EFCAB13: variants seen among roughly 807,000 people sequenced by gnomAD.
EFCAB13 encodes EF-hand calcium binding domain 13.
EFCAB13 carries 91 observed loss-of-function variants against 110.2 expected under a neutral mutation model. The observed-to-expected ratio is 0.83, with a 90% CI of 0.70 to 0.98. EFCAB13 has a LOEUF of 0.98. Among genes scored for constraint, EFCAB13 ranks in the 50% least tolerant of loss-of-function variants. The probability of loss-of-function intolerance (pLI) is 0.00; values close to 1 mark genes in which losing one functional copy is unlikely to be tolerated. For synonymous variants in EFCAB13, 323 were observed against 369.9 expected, an observed-to-expected ratio of 0.87 and a Z score of 1.45; for missense variants, 968 against 1,119.4, an observed-to-expected ratio of 0.86 and a Z score of 1.93.
intron 16 of EFCAB13, among the ~76,000 whole-genome samples, chr17:47,395,502 C>G (rs1258822253): frequency 2.0e-5 from 3 of 152,074 alleles, no homozygotes; most frequent in Non-Finnish European, 4.4e-5. Context: ...AGATATAGAA[C>G]AAAAGCTACT....
intron 9 of EFCAB13, among the ~76,000 whole-genome samples, chr17:47,348,718 C>T (rs1598726889): frequency 6.6e-6 from 1 of 151,624 alleles, no homozygotes; most frequent in Admixed American, 6.5e-5. Context: ...AATATCTTTT[C>T]ATGTGCTTGT....
At chr17:47,434,257 C>G (rs1158897816) in intron 24 of EFCAB13, among the ~76,000 whole-genome samples, 1 of 151,958 alleles carries the variant, frequency 6.6e-6, no homozygotes, top group African/African-American at 2.4e-5. Context: ...CTGCTATACA[C>G]CAACAATGAC....
chr17:47,353,446 C>T (rs1320206330), intron 9 of EFCAB13, among the ~76,000 whole-genome samples: 1 of 151,990 alleles, frequency 6.6e-6, no homozygotes, highest in Non-Finnish European at 1.5e-5. Flanking sequence ...AGGCATGCAC[C>T]ACCATGCCTG....
chr17:47,436,452 G>A (rs549599249), intron 24 of EFCAB13, among the ~76,000 whole-genome samples: 12 of 152,196 alleles, frequency 7.9e-5, no homozygotes, highest in Non-Finnish European at 1.8e-4. Flanking sequence ...CTTGCTGCTT[G>A]TTATTGGTCT....
At chr17:47,325,706 CA>C (rs1176547861) in intron 2 of EFCAB13, among the ~76,000 whole-genome samples, 3 of 151,768 alleles carry the variant, frequency 2.0e-5, no homozygotes, top group Non-Finnish European at 4.4e-5. Flanking sequence ...GGTCTGTACT[CA>C]AAAGTCTCCC....
chr17:47,327,004 T>C (rs2065289642), intron 3 of EFCAB13, among the ~76,000 whole-genome samples: 1 of 152,220 alleles, frequency 6.6e-6, no homozygotes, highest in Non-Finnish European at 1.5e-5. Context: ...TAATGTAATA[T>C]AGCTAGCACT....
chr17:47,342,088 A>C, intron 6 of EFCAB13, 56 bp downstream of exon 6: 1 of 1,000,476 alleles, frequency 1.0e-6, no homozygotes, highest in South Asian at 1.6e-5. Context: ...CTTAGCCCTC[A>C]AACATTCCCT....
chr17:47,393,033 C>T (rs2065716458), intron 15 of EFCAB13, among the ~76,000 whole-genome samples: 1 of 151,996 alleles, frequency 6.6e-6, no homozygotes, highest in Non-Finnish European at 1.5e-5. Context: ...TGCTAATAAT[C>T]ACATGAAAAG....
At chr17:47,432,267 G>A (rs538747514) in intron 24 of EFCAB13, among the ~76,000 whole-genome samples, 16 of 152,030 alleles carry the variant, frequency 1.1e-4, no homozygotes, top group Middle Eastern at 3.4e-3. Context: ...GCGTGGTGGC[G>A]GGCGCCTGTA....
intron 24 of EFCAB13, among the ~76,000 whole-genome samples, chr17:47,439,426 C>G (rs1292913955): frequency 6.6e-6 from 1 of 152,050 alleles, no homozygotes; most frequent in African/African-American, 2.4e-5. Context: ...ATCTGCCCAT[C>G]TCAGCCTCCC....
Position 47,440,749 on chromosome 17 carries a change from A to T in EFCAB13, c.*35A>T. The T allele has an allele frequency of 6.8e-7, 1 of 1,460,452 alleles. No individual in the cohort carries two copies. The highest frequency in any genetic ancestry group is 2.3e-5 in the East Asian group (1 of 43,148). 90.5% of individuals were successfully genotyped at this position (1,460,452 alleles called of 1,614,324 possible). On this transcript the variant is annotated 3_prime_UTR_variant, in exon 25 of 25. Transcript: ENST00000331493. ...CTTGATAGTGCTAGAAAATTACTAG[A>T]TTATATATTATTCAGTATGCATATT...
chr17:47,371,070 T>G (rs555696453), intron 11 of EFCAB13, among the ~76,000 whole-genome samples: 1 of 150,856 alleles, frequency 6.6e-6, no homozygotes, highest in African/African-American at 2.4e-5. Flanking sequence ...TTGTTTTTTT[T>G]TTTTTTTTTT....
At chr17:47,339,903 G>A (rs2065374171) in intron 5 of EFCAB13, 1 of 152,088 alleles carries the variant, frequency 6.6e-6, no homozygotes, top group African/African-American at 2.4e-5. Context: ...GAAATGTAAA[G>A]TAAGCCTGGA....
rs1442456873 is a variant in EFCAB13, at chr17:47,324,004, G to C, written c.-388G>C. On this transcript the variant is annotated 5_prime_UTR_variant, in exon 1 of 25. Transcript: ENST00000331493. ...GCAGAGCTAGAGCAGCGCCGCCCGAGGGGCGGCAGGGGCTGACCACAGAGA... is the reference window on the plus strand; with the variant it reads ...GCAGAGCTAGAGCAGCGCCGCCCGACGGGCGGCAGGGGCTGACCACAGAGA... 6.6e-6 allele frequency: 1 copy of C among 152,444 alleles called. No homozygotes were observed. The highest frequency in any genetic ancestry group is 1.5e-5 in the Non-Finnish European group (1 of 68,274). 9.4% of individuals were successfully genotyped at this position (152,444 alleles called of 1,614,324 possible). A position where few individuals can be genotyped will look rare whatever the true frequency, so the allele number is the denominator to read the frequency against.
chr17:47,375,745 A>G (rs537484966), intron 12 of EFCAB13, among the ~76,000 whole-genome samples: 1 of 152,308 alleles, frequency 6.6e-6, no homozygotes, highest in Non-Finnish European at 1.5e-5. Context: ...TAGAAAGTAG[A>G]AGGCCTGGTT....
At chr17:47,345,175 C>A in intron 8 of EFCAB13, 77 bp downstream of exon 8, 1 of 992,006 alleles carries the variant, frequency 1.0e-6, no homozygotes, top group Non-Finnish European at 1.5e-6. Flanking sequence ...GCAGTTAGTG[C>A]CTCTTCATCT....
chr17:47,437,753 GAC>G (rs1463548890), intron 24 of EFCAB13, among the ~76,000 whole-genome samples: 1 of 152,154 alleles, frequency 6.6e-6, no homozygotes, highest in Non-Finnish European at 1.5e-5. Context: ...TTAGGCCTTT[GAC>G]ATTCAGTGTT....
chr17:47,430,264 C>T (rs1376458243), intron 24 of EFCAB13: 1 of 1,013,188 alleles, frequency 9.9e-7, no homozygotes, highest in East Asian at 8.8e-5. Flanking sequence ...TAGAGTAAAA[C>T]AGGGTCCTGG....
intron 12 of EFCAB13, among the ~76,000 whole-genome samples, chr17:47,376,331 TA>T (rs2065615169): frequency 6.7e-6 from 1 of 150,160 alleles, no homozygotes; most frequent in African/African-American, 2.4e-5. Context: ...TCAAAAGAAT[TA>T]AAACCTTGGT....
Sources: gnomAD v4.1 joint callset for allele counts (sites outside exome capture counted in the v4.1 genomes callset) on GRCh38, gnomAD v4.1.1 for gene constraint, MANE v1.5 for transcripts, NCBI Gene and HGNC (gene_info 2026-07-23, HGNC 2026-07-21) for gene names.